CHST3: variants seen among roughly 807,000 people sequenced by gnomAD.
CHST3 encodes the protein carbohydrate sulfotransferase 3.
CHST3 carries 20 observed loss-of-function variants against 35.4 expected under a neutral mutation model. The observed-to-expected ratio is 0.57, with a 90% CI of 0.40 to 0.82. CHST3 has a LOEUF of 0.82. CHST3 is among the 40% of genes least tolerant of loss of function. The pLI is 0.00. For missense variants in CHST3, 693 were observed against 670.1 expected, an observed-to-expected ratio of 1.03 and a Z score of -0.38; for synonymous variants, 334 against 295.9, an observed-to-expected ratio of 1.13 and a Z score of -1.32.
chr10:71,964,780 G>T (rs1487249576), intron 1 of CHST3, 86 bp downstream of exon 1: 2 of 152,220 alleles, frequency 1.3e-5, no homozygotes, highest in Admixed American at 1.3e-4. Context: ...GCGTCCAGGC[G>T]CGCGCGCCAG....
At chr10:72,005,641 A>G in intron 1 of CHST3, 95 bp from the exon 2 acceptor site, 1 of 643,334 alleles carries the variant, frequency 1.6e-6, no homozygotes, top group Non-Finnish European at 2.7e-6. Flanking sequence ...CCTGGCTGCT[A>G]ACCAGGGCCG....
chr10:71,977,715 G>A (rs577823969), intron 1 of CHST3, among the ~76,000 whole-genome samples: 25 of 152,132 alleles, frequency 1.6e-4, no homozygotes, highest in African/African-American at 5.3e-4. Flanking sequence ...AGTTGCCCAG[G>A]TTTGAGTGCA....
At chr10:71,969,227 G>A (rs532139944) in intron 1 of CHST3, among the ~76,000 whole-genome samples, 2 of 152,272 alleles carry the variant, frequency 1.3e-5, no homozygotes, top group South Asian at 2.1e-4. Context: ...TTACATCCAC[G>A]CCCCACAGGG....
intron 1 of CHST3, among the ~76,000 whole-genome samples, chr10:71,975,459 AG>A (rs1378891636): frequency 6.6e-6 from 1 of 152,252 alleles, no homozygotes; most frequent in Non-Finnish European, 1.5e-5. Context: ...TAGTGCAGAC[AG>A]GAAGTACAGG....
intron 1 of CHST3, among the ~76,000 whole-genome samples, chr10:71,973,380 C>G (rs1223262732): frequency 1.3e-5 from 2 of 152,206 alleles, no homozygotes; most frequent in Non-Finnish European, 2.9e-5. Context: ...CTGCTCAACC[C>G]CACCAGCAAG....
chr10:72,007,864 G>T lies in CHST3; in HGVS notation c.833G>T (p.Arg278Leu). 6.2e-7 allele frequency: 1 copy of T among 1,600,238 alleles called. No individual in the cohort carries two copies. Among genetic ancestry groups the T allele is most frequent in the Non-Finnish European group, 8.5e-7 (1 of 1,175,454 alleles). ...ATGGCCCTCAAGGCGGTGCGCATCC[G>T]GCAGCTGGAGTTCCTGCAGCCGCTG... is the stretch of plus-strand genomic sequence containing the variant. ...EHMALKAVRI[R>L]QLEFLQPLAE... is the part of the protein sequence containing the mutation. Residue 278 changes from arginine (R) to leucine (L), a missense_variant, in exon 3 of 3, where the codon CGG becomes CTG. Physicochemically the swap from Arg to Leu is moderately radical, Grantham distance 102. Coordinates refer to ENST00000373115, the MANE Select transcript of CHST3 (RefSeq NM_004273.5).
Position 71,996,423 on chromosome 10 carries a change from C to T in CHST3, c.-107-9313C>T, listed in dbSNP as rs528668106. On this transcript the variant is annotated intron_variant, in intron 1 of 2. Transcript: ENST00000373115. ...TCTCTCCCTCTCTCTGTCTCTCTAC[C>T]AACCCCCCCCCAACGTATGTGTCTC... 9.3e-5 allele frequency among the ~76,000 whole-genome samples: 12 copies of T among 129,586 alleles called. 1 individual carries two copies. Among genetic ancestry groups the T allele is most frequent in the African/African-American group, 4.2e-4 (12 of 28,366 alleles). The allele number at this position is 129,586 out of a possible 152,430, so 85.0% of individuals were successfully genotyped here. A position where few individuals can be genotyped will look rare whatever the true frequency, so the allele number is the denominator to read the frequency against.
intron 1 of CHST3, among the ~76,000 whole-genome samples, chr10:71,970,445 A>G (rs574624986): frequency 6.6e-6 from 1 of 152,272 alleles, no homozygotes; most frequent in South Asian, 2.1e-4. Flanking sequence ...CTCGGAGGCC[A>G]GCCCGGGATG....
chr10:72,006,637 TTAGATG>T (rs1204223102), intron 2 of CHST3, among the ~76,000 whole-genome samples: 1 of 152,188 alleles, frequency 6.6e-6, no homozygotes, highest in Admixed American at 6.5e-5. Flanking sequence ...AGTGGGCCTG[TTAGATG>T]TAGAAAGATT....
At chr10:71,981,650 C>T (rs954463878) in intron 1 of CHST3, among the ~76,000 whole-genome samples, 1 of 152,194 alleles carries the variant, frequency 6.6e-6, no homozygotes, top group Admixed American at 6.5e-5. Context: ...CAGGGAGAAA[C>T]GCCCATCCCA....
At chr10:71,970,448 C>T (rs1299718406) in intron 1 of CHST3, among the ~76,000 whole-genome samples, 1 of 152,182 alleles carries the variant, frequency 6.6e-6, no homozygotes, top group Non-Finnish European at 1.5e-5. Context: ...GGAGGCCAGC[C>T]CGGGATGTTC....
intron 1 of CHST3, among the ~76,000 whole-genome samples, chr10:71,970,107 G>A (rs993056741): frequency 2.0e-5 from 3 of 152,156 alleles, no homozygotes; most frequent in African/African-American, 2.4e-5. Context: ...CGGTGGACAC[G>A]CTTCAGCCCT....
chr10:71,981,811 G>C lies in CHST3; in HGVS notation c.-108+17117G>C, dbSNP rs1037986492. 2.0e-5 allele frequency among the ~76,000 whole-genome samples: 3 copies of C among 152,304 alleles called. No individual in the cohort carries two copies. The East Asian group carries it at 5.8e-4, about 29-fold the overall frequency. On this transcript the variant is annotated intron_variant, in intron 1 of 2. Transcript: ENST00000373115. ...TTCAATGCTTCTTACTGTCAACCCC[G>C]CCCCTGGCTGCCCAGTAGTCTCTAG...
intron 1 of CHST3, among the ~76,000 whole-genome samples, chr10:71,982,804 G>T (rs773625955): frequency 6.6e-6 from 1 of 152,218 alleles, no homozygotes; most frequent in Non-Finnish European, 1.5e-5. Context: ...GTGGCAATGT[G>T]TTACAACAGC....
chr10:71,986,067 T>C (rs1466128949), intron 1 of CHST3, among the ~76,000 whole-genome samples: 4 of 152,366 alleles, frequency 2.6e-5, no homozygotes, highest in South Asian at 2.1e-4. Context: ...TGTTTTTTTT[T>C]ACTAAGTAGG....
chr10:71,989,896 A>T (rs1382241164), intron 1 of CHST3, among the ~76,000 whole-genome samples: 2 of 152,220 alleles, frequency 1.3e-5, no homozygotes, highest in Non-Finnish European at 2.9e-5. Flanking sequence ...ATTTTATGTC[A>T]GCCCTCCAGA....
intron 1 of CHST3, among the ~76,000 whole-genome samples, chr10:71,998,087 C>T (rs1032573877): frequency 6.6e-6 from 1 of 151,968 alleles, no homozygotes; most frequent in African/African-American, 2.4e-5. Context: ...TGCAGTGAGC[C>T]AAGATCATGC....
chr10:72,002,470 A>G (rs1326534199), intron 1 of CHST3, among the ~76,000 whole-genome samples: 1 of 152,202 alleles, frequency 6.6e-6, no homozygotes, highest in Non-Finnish European at 1.5e-5. Flanking sequence ...AGCATTTACC[A>G]TGCATCAACA....
At chr10:72,005,283 T>TTGTGTGTGTGTGTG (rs761296471) in intron 1 of CHST3, among the ~76,000 whole-genome samples, 10 of 149,314 alleles carry the variant, frequency 6.7e-5, no homozygotes, top group South Asian at 4.2e-4. Context: ...GTCTGCACCT[T>TTGTGTGTGTGTGTG]TGTGTGTGTG....
Sources: gnomAD v4.1 joint callset for allele counts (sites outside exome capture counted in the v4.1 genomes callset) on GRCh38, gnomAD v4.1.1 for gene constraint, MANE v1.5 for transcripts, NCBI Gene and HGNC (gene_info 2026-07-23, HGNC 2026-07-21) for gene names.